Variants in FGF12 observed in about 807,000 individuals in gnomAD.
FGF12 encodes the protein fibroblast growth factor 12B.
Under a neutral mutation model 23.6 loss-of-function variants are expected in FGF12, and 14 were observed. The observed-to-expected ratio is 0.59, with a 90% CI of 0.39 to 0.93. The LOEUF is 0.93. Ranked by LOEUF, FGF12 falls within the 40% of genes least tolerant of loss-of-function variation. The probability of loss-of-function intolerance (pLI) is 0.00; values close to 1 mark genes in which losing one functional copy is unlikely to be tolerated. For missense variants in FGF12, 175 were observed against 217.8 expected (o/e 0.80, Z 1.24); for synonymous variants, 62 against 77.3 (o/e 0.80, Z 1.04).
At chr3:192,622,253 G>A (rs1303424708) in intron 2 of FGF12, among the ~76,000 whole-genome samples, 1 of 152,128 alleles carries the variant, frequency 6.6e-6, no homozygotes, top group African/African-American at 2.4e-5. Context: ...AGAGACATGC[G>A]GGAACAGAGT....
chr3:192,471,012 G>A (rs1723157553), intron 2 of FGF12, among the ~76,000 whole-genome samples: 1 of 152,056 alleles, frequency 6.6e-6, no homozygotes, highest in African/African-American at 2.4e-5. Flanking sequence ...TATCCCCAGT[G>A]CAGTTTTATT....
intron 2 of FGF12, among the ~76,000 whole-genome samples, chr3:192,499,682 C>T (rs554551623): frequency 5.3e-5 from 8 of 150,940 alleles, no homozygotes; most frequent in African/African-American, 1.9e-4. Context: ...CAGGCACCCA[C>T]CACCTCACAC....
intron 2 of FGF12, among the ~76,000 whole-genome samples, chr3:192,569,616 G>T (rs527251921): frequency 6.6e-6 from 1 of 152,198 alleles, no homozygotes; most frequent in Non-Finnish European, 1.5e-5. Flanking sequence ...GGGAACTGAA[G>T]TAAGATTTAT....
At chr3:192,196,616 G>A (rs990344607) in intron 4 of FGF12, among the ~76,000 whole-genome samples, 4 of 152,110 alleles carry the variant, frequency 2.6e-5, no homozygotes, top group Non-Finnish European at 4.4e-5. Context: ...TAAAGAATGT[G>A]AAATGTAGAT....
intron 2 of FGF12, among the ~76,000 whole-genome samples, chr3:192,543,498 C>A (rs1308041886): frequency 6.6e-6 from 1 of 152,010 alleles, no homozygotes; most frequent in African/African-American, 2.4e-5. Context: ...TGGTGCTCTA[C>A]CCCATTGTGG....
At chr3:192,416,024 T>C (rs1721342182) in intron 2 of FGF12, among the ~76,000 whole-genome samples, 1 of 151,978 alleles carries the variant, frequency 6.6e-6, no homozygotes, top group Non-Finnish European at 1.5e-5. Flanking sequence ...GAAATAGCAG[T>C]CTCTTACAGC....
At chr3:192,630,148 C>T (rs897456335) in intron 2 of FGF12, among the ~76,000 whole-genome samples, 1 of 152,148 alleles carries the variant, frequency 6.6e-6, no homozygotes, top group African/African-American at 2.4e-5. Flanking sequence ...GCCCGCCTCT[C>T]TTGCTCCTGC....
rs1199933343 is a variant in FGF12 at position 192,641,352 on chromosome 3, G to T, written c.13+85829C>A. On this transcript the variant is annotated intron_variant, in intron 2 of 5. Coordinates refer to ENST00000445105, the MANE Select transcript of FGF12 (RefSeq NM_004113.6). ...GATCTCCTGACCTCGTGATCCGCCCGCCTCGGCCTCCCAAAGTGCTGGGAT... is the reference window on the plus strand; with the variant it reads ...GATCTCCTGACCTCGTGATCCGCCCTCCTCGGCCTCCCAAAGTGCTGGGAT... Among the ~76,000 whole-genome samples, 4 of 81,950 alleles carry T rather than the reference G, an allele frequency of 4.9e-5. 1 individual carries two copies. Among genetic ancestry groups the T allele is most frequent in the Non-Finnish European group, 7.8e-5 (3 of 38,232 alleles). The allele number at this position is 81,950 out of a possible 152,430, so 53.8% of individuals were successfully genotyped here.
intron 2 of FGF12, among the ~76,000 whole-genome samples, chr3:192,562,796 G>A (rs373275498): frequency 1.3e-5 from 2 of 151,078 alleles, no homozygotes; most frequent in Non-Finnish European, 2.9e-5. Flanking sequence ...GTGCAGTGGC[G>A]CAATGTTTCA....
At chr3:192,476,762 G>A (rs1451436039) in intron 2 of FGF12, among the ~76,000 whole-genome samples, 1 of 152,108 alleles carries the variant, frequency 6.6e-6, no homozygotes, top group Non-Finnish European at 1.5e-5. Flanking sequence ...ACACTAGTGG[G>A]AGTAAAGAAA....
chr3:192,621,647 G>T (rs1339627967), intron 2 of FGF12, among the ~76,000 whole-genome samples: 1 of 122,392 alleles, frequency 8.2e-6, no homozygotes, highest in Non-Finnish European at 1.6e-5. Context: ...AAGTAGCAGG[G>T]TTAAATTAAG....
At chr3:192,695,656 A>G (rs1718095889) in intron 2 of FGF12, among the ~76,000 whole-genome samples, 1 of 152,192 alleles carries the variant, frequency 6.6e-6, no homozygotes, top group Non-Finnish European at 1.5e-5. Flanking sequence ...AGGATTTATC[A>G]ATCAAATATT....
At position 192,336,569 on chromosome 3, in the gene FGF12, T is replaced by A. The variant is rs115839439; in HGVS notation, c.125-1105A>T. Among the ~76,000 whole-genome samples, 552 of 152,272 alleles carry A rather than the reference T, an allele frequency of 3.6e-3. 4 individuals are homozygous for A. Among genetic ancestry groups the A allele is most frequent in the African/African-American group, 0.013 (526 of 41,570 alleles). Reference sequence around the variant, plus strand: ...TGGCAACATGGAGATGAATTAAGTATCTCACGGCTGTATGCATAAGAGAAT... The same window carrying A: ...TGGCAACATGGAGATGAATTAAGTAACTCACGGCTGTATGCATAAGAGAAT... On this transcript the variant is annotated intron_variant, in intron 3 of 5. Transcript: ENST00000445105. This position sits in a 1 kb window ranked among gnomAD's most constrained non-coding sequence, Gnocchi z 4.3.
intron 2 of FGF12, among the ~76,000 whole-genome samples, chr3:192,400,476 C>T (rs1444215581): frequency 6.0e-5 from 9 of 148,784 alleles, no homozygotes; most frequent in Non-Finnish European, 4.4e-5. Flanking sequence ...TCAAATGATT[C>T]TCCTGCCTCA....
intron 2 of FGF12, among the ~76,000 whole-genome samples, chr3:192,495,752 G>A (rs1260203701): frequency 6.6e-6 from 1 of 152,080 alleles, no homozygotes; most frequent in Admixed American, 6.6e-5. Flanking sequence ...CTGAAGCCTT[G>A]ACCTCTCAAG....
intron 2 of FGF12, among the ~76,000 whole-genome samples, chr3:192,641,716 A>G (rs1715816209): frequency 6.6e-6 from 1 of 152,178 alleles, no homozygotes; most frequent in Admixed American, 6.5e-5. Context: ...GGCCTTTCAC[A>G]TTTTTATATG....
chr3:192,575,313 T>G (rs2108608940), intron 2 of FGF12, among the ~76,000 whole-genome samples: 1 of 152,382 alleles, frequency 6.6e-6, no homozygotes, highest in South Asian at 2.1e-4. Context: ...ACATTTTAAT[T>G]GTGCACAGTT....
At chr3:192,701,354 A>T (rs1268006915) in intron 2 of FGF12, among the ~76,000 whole-genome samples, 3 of 151,538 alleles carry the variant, frequency 2.0e-5, no homozygotes, top group Non-Finnish European at 2.9e-5. Context: ...TAGCCCGACC[A>T]CTCTGGGCAC....
chr3:192,453,338 A>C (rs1722582053), intron 2 of FGF12, among the ~76,000 whole-genome samples: 1 of 152,136 alleles, frequency 6.6e-6, no homozygotes, highest in African/African-American at 2.4e-5. Flanking sequence ...TAAACTTATA[A>C]ATTTTACTTT....
Sources: allele counts gnomAD v4.1 joint callset (sites outside exome capture counted in the v4.1 genomes callset), GRCh38; gene constraint gnomAD v4.1.1; non-coding constraint Gnocchi (gnomAD v3.1); transcripts MANE v1.5; gene names NCBI Gene and HGNC (gene_info 2026-07-23, HGNC 2026-07-21).